CNNM3: variants seen among roughly 807,000 people sequenced by gnomAD.
CNNM3 encodes metal transporter CNNM3.
In CNNM3, 47 loss-of-function variants were observed where a neutral mutation model predicts 57.1. The observed-to-expected ratio is 0.82, with a 90% CI of 0.65 to 1.05. The LOEUF (loss-of-function observed/expected upper bound fraction) is 1.05, where lower values mean the gene tolerates loss of function less well. CNNM3 is among the 50% of genes least tolerant of loss of function. The pLI is 0.00. For missense variants in CNNM3, 957 were observed against 973.7 expected (o/e 0.98, Z 0.23); for synonymous variants, 507 against 478.2 (o/e 1.06, Z -0.79).
Position 96,816,431 on chromosome 2 carries a change from G to GGGGCGGCGCGGGACACGCC in CNNM3, c.157_175dup (p.Asp59GlyfsTer77). The GGGGCGGCGCGGGACACGCC allele has an allele frequency of 7.2e-7, 1 of 1,393,166 alleles. No homozygotes were observed. Among genetic ancestry groups the GGGGCGGCGCGGGACACGCC allele is most frequent in the Non-Finnish European group, 9.3e-7 (1 of 1,075,726 alleles). The allele number at this position is 1,393,166 out of a possible 1,614,324, so 86.3% of individuals were successfully genotyped here. ...GGCGGGCGCGGGTTGGGTACGCGGA[G>GGGGCGGCGCGGGACACGCC]GGGCGGCGCGGGACACGCCGGACGC... On this transcript the variant is annotated frameshift_variant, in exon 1 of 8. Transcript: ENST00000305510. LOFTEE classifies it high-confidence loss of function.
At chr2:96,831,467 G>A (rs2079601183) in intron 7 of CNNM3, among the ~76,000 whole-genome samples, 1 of 152,170 alleles carries the variant, frequency 6.6e-6, no homozygotes, top group South Asian at 2.1e-4. Flanking sequence ...CCTACAGCAG[G>A]GGTTGGCAAA....
Position 96,828,709 on chromosome 2 carries a change from C to G in CNNM3, c.1920+9C>G. ...ATCTGCAGCTCATCAAGGTGACTGC[C>G]TGGGCTGCTTGTGGGTGCTGGCTTT... is the stretch of plus-strand genomic sequence containing the variant. On this transcript the variant is annotated intron_variant, in intron 6 of 7. Transcript: ENST00000305510. The G allele has an allele frequency of 6.2e-7, 1 of 1,614,090 alleles. No individual in the cohort carries two copies. Among genetic ancestry groups the G allele is most frequent in the Admixed American group, 1.7e-5 (1 of 60,016 alleles).
At chr2:96,821,424 T>C (rs993446832) in intron 1 of CNNM3, among the ~76,000 whole-genome samples, 46 of 152,194 alleles carry the variant, frequency 3.0e-4, no homozygotes, top group Admixed American at 2.4e-3. Context: ...CCCTGCCATC[T>C]TGGCAGCTTT....
rs577439389 is a variant in CNNM3 at position 96,828,619 on chromosome 2, C to T, written c.1839C>T (p.Pro613=). 8.1e-6 allele frequency: 13 copies of T among 1,614,194 alleles called. No homozygotes were observed. The highest frequency in any genetic ancestry group is 3.3e-5 in the Admixed American group (2 of 60,016). ...SLQPIRHDLQ[P]DPGDGTHSSA... is the part of the protein sequence containing the mutation. ...AGCCCATCCGCCATGACCTGCAGCCCGACCCAGGTGACGGCACGCATTCAT... is the reference window on the plus strand; with the variant it reads ...AGCCCATCCGCCATGACCTGCAGCCTGACCCAGGTGACGGCACGCATTCAT... Residue 613 remains proline, a synonymous_variant, in exon 6 of 8, where the codon CCC becomes CCT. Coordinates refer to ENST00000305510, the MANE Select transcript of CNNM3 (RefSeq NM_017623.5).
At chr2:96,826,694 A>G (rs1207592131) in intron 2 of CNNM3, 139 bp from the exon 3 acceptor site, 2 of 962,532 alleles carry the variant, frequency 2.1e-6, no homozygotes, top group East Asian at 2.4e-5. Context: ...TGCTGAGGAC[A>G]TGTCCCTGGC....
chr2:96,832,409 T>G, intron 7 of CNNM3, 143 bp from the exon 8 acceptor site: 7 of 1,501,338 alleles, frequency 4.7e-6, no homozygotes. Flanking sequence ...CAGTCGCTCC[T>G]GTTTCTGCTC....
chr2:96,836,239 ATTTT>A (rs761750199), downstream of CNNM3, among the ~76,000 whole-genome samples: 1 of 126,556 alleles, frequency 7.9e-6, no homozygotes. Flanking sequence ...CACCCAGCTA[ATTTT>A]TTTTTTTTTT....
At chr2:96,829,623 T>TTA (rs1553483437) in intron 7 of CNNM3, among the ~76,000 whole-genome samples, 2 of 151,642 alleles carry the variant, frequency 1.3e-5, no homozygotes, top group Non-Finnish European at 2.9e-5. Context: ...TTTTTTTTTT[T>TTA]AATTCATTAT....
rs1009266091 is a variant in CNNM3, at chr2:96,816,724, G to C, written c.447G>C (p.Ala149=). The C allele has an allele frequency of 4.0e-6, 4 of 1,012,626 alleles. No homozygotes were observed. In the African/African-American group the frequency reaches 7.0e-5, roughly 18 times the overall value. The allele number at this position is 1,012,626 out of a possible 1,614,324, so 62.7% of individuals were successfully genotyped here. ...CGGCCGGGCTGCTGGCGCTGGCAGC[G>C]CTGGCGCGAGGCCTGCAGCTGAGCG... is the stretch of plus-strand genomic sequence containing the variant. The part of the protein sequence containing the change: ...LGAAGLLALA[A]LARGLQLSAL... The change falls in exon 1 of 8, where the codon GCG becomes GCC. Residue 149 remains alanine, a synonymous_variant. Transcript: ENST00000305510.
In CNNM3 at chr2:96,833,019, G is replaced by C. The variant is rs1390751742; in HGVS notation, c.*403G>C. ...CTTTGTGTGGCCGTGACCTCTATTTGTTTGCTTTTAATTTGCCAACCTATC... is the reference window on the plus strand; with the variant it reads ...CTTTGTGTGGCCGTGACCTCTATTTCTTTGCTTTTAATTTGCCAACCTATC... On this transcript the variant is annotated 3_prime_UTR_variant, in exon 8 of 8. Transcript: ENST00000305510. The C allele has an allele frequency of 7.6e-7, 1 of 1,311,372 alleles. No individual in the cohort carries two copies. The highest frequency in any genetic ancestry group is 5.0e-5 in the East Asian group (1 of 19,816). The allele number at this position is 1,311,372 out of a possible 1,614,324, so 81.2% of individuals were successfully genotyped here.
intron 7 of CNNM3, chr2:96,832,042 G>GT: frequency 1.4e-5 from 14 of 987,884 alleles, no homozygotes; most frequent in Non-Finnish European, 1.7e-5. Context: ...ACTAGTGCGC[G>GT]TTTTTTGTTT....
At chr2:96,830,753 T>C (rs749996397) in intron 7 of CNNM3, among the ~76,000 whole-genome samples, 11 of 152,320 alleles carry the variant, frequency 7.2e-5, no homozygotes, top group Non-Finnish European at 1.3e-4. Context: ...GGCTTCATAC[T>C]CTGGGCTCAA....
rs1438411012 is a variant in CNNM3 at position 96,816,650 on chromosome 2, G to T, written c.373G>T (p.Gly125Cys). The stretch of plus-strand genomic sequence containing the variant: ...GCTGGCGGTGCGCGTGGAGCCGGGT[G>T]GCGGGGCGGCTGAGGAGGCGGCGCC... ...ALLAVRVEPGGGAAEEAAPPW... is the reference protein window; with the variant it reads ...ALLAVRVEPGCGAAEEAAPPW... The change falls in exon 1 of 8, where the codon GGC (glycine) becomes TGC (cysteine). Residue 125 changes from glycine (G) to cysteine (C), a missense_variant. By Grantham distance (159) the Gly-to-Cys change is radical. Around this residue, in one of 2 missense-constraint regions of CNNM3, gnomAD observed 466 missense variants for 403.1 expected, o/e 1.16. Coordinates refer to ENST00000305510, the MANE Select transcript of CNNM3 (RefSeq NM_017623.5). 9.3e-7 allele frequency: 1 copy of T among 1,080,006 alleles called. No homozygotes were observed. The highest frequency in any genetic ancestry group is 1.7e-5 in the African/African-American group (1 of 59,194). The allele number at this position is 1,080,006 out of a possible 1,614,324, so 66.9% of individuals were successfully genotyped here.
downstream of CNNM3, among the ~76,000 whole-genome samples, chr2:96,835,469 C>G (rs200433798): frequency 7.3e-6 from 1 of 137,590 alleles, no homozygotes; most frequent in African/African-American, 2.7e-5. Flanking sequence ...AACAATCAAA[C>G]TTTTTTTTTT....
intron 1 of CNNM3, among the ~76,000 whole-genome samples, chr2:96,821,087 G>C (rs973511527): frequency 6.6e-6 from 1 of 152,104 alleles, no homozygotes; most frequent in Non-Finnish European, 1.5e-5. Context: ...TTGGAACCTG[G>C]AGGTTAAATG....
rs944141815 is a variant in CNNM3, at chr2:96,829,206, A to G, written c.2059+72A>G. 4 of 1,507,040 alleles carry G rather than the reference A, an allele frequency of 2.7e-6. No individual in the cohort carries two copies. In the African/African-American group the frequency reaches 4.3e-5, roughly 16 times the overall value. The allele number at this position is 1,507,040 out of a possible 1,614,324, so 93.4% of individuals were successfully genotyped here. ...CGTGAGCTCACACACACAGACTTGC[A>G]CTCTCGCCGCCCCCCCACCCTCTGT... On this transcript the variant is annotated intron_variant, in intron 7 of 7. Coordinates refer to ENST00000305510, the MANE Select transcript of CNNM3 (RefSeq NM_017623.5).
chr2:96,827,970 G>C (rs2079537902), intron 4 of CNNM3, 70 bp downstream of exon 4: 1 of 1,582,006 alleles, frequency 6.3e-7, no homozygotes, highest in African/African-American at 1.3e-5. Context: ...GGAGAAGAGG[G>C]GAGCAGGGGC....
Position 96,817,010 on chromosome 2 carries a change from GGGCGCTGGACGCT to G in CNNM3, c.742_754del (p.Thr248ArgfsTer168), listed in dbSNP as rs926205265. Reference sequence around the variant, plus strand: ...AGAGGTGGTGCCGGCCGCCGTGAGCGGGCGCTGGACGCTGGCGCTGGCGCCGCGAGCGCTCGGC... The same window carrying G: ...AGAGGTGGTGCCGGCCGCCGTGAGCGGGCGCTGGCGCCGCGAGCGCTCGGC... On this transcript the variant is annotated frameshift_variant, in exon 1 of 8. Transcript: ENST00000305510. LOFTEE classifies it high-confidence loss of function. 2.9e-6 allele frequency: 4 copies of G among 1,373,336 alleles called. No individual in the cohort carries two copies. Among genetic ancestry groups the G allele is most frequent in the African/African-American group, 1.5e-5 (1 of 65,168 alleles). The allele number at this position is 1,373,336 out of a possible 1,614,324, so 85.1% of individuals were successfully genotyped here.
chr2:96,816,631 G>T lies in CNNM3; in HGVS notation c.354G>T (p.Ala118=). 3 of 1,142,202 alleles carry T rather than the reference G, an allele frequency of 2.6e-6. No homozygotes were observed. The highest frequency in any genetic ancestry group is 4.9e-5 in the Admixed American group (1 of 20,588). The allele number at this position is 1,142,202 out of a possible 1,614,324, so 70.8% of individuals were successfully genotyped here. A position where few individuals can be genotyped will look rare whatever the true frequency, so the allele number is the denominator to read the frequency against. The change falls in exon 1 of 8, where the codon GCG becomes GCT. Residue 118 remains alanine, a synonymous_variant. Transcript: ENST00000305510. ...TGCGCCCGCACTCGGCGCTGCTGGCGGTGCGCGTGGAGCCGGGTGGCGGGG... is the reference window on the plus strand; with the variant it reads ...TGCGCCCGCACTCGGCGCTGCTGGCTGTGCGCGTGGAGCCGGGTGGCGGGG... The part of the protein sequence containing the change: ...EAVRPHSALL[A]VRVEPGGGAA...
Sources: gnomAD v4.1 joint callset for allele counts (sites outside exome capture counted in the v4.1 genomes callset) on GRCh38, gnomAD v4.1.1 for gene constraint, gnomAD v4.1.1 regional missense constraint, MANE v1.5 for transcripts, NCBI Gene and HGNC (gene_info 2026-07-23, HGNC 2026-07-21) for gene names.